The following C2orf78 variants were observed in gnomAD, a reference collection of about 807,000 sequenced individuals.
The protein encoded by C2orf78 is uncharacterized protein C2orf78.
A neutral mutation model predicts 21.4 loss-of-function variants in C2orf78; 12 were observed. That is an observed-to-expected ratio of 0.56 (90% confidence interval 0.36 to 0.91). C2orf78 has a LOEUF of 0.91. Among genes scored for constraint, C2orf78 ranks in the 40% least tolerant of loss-of-function variants. The pLI, the probability that C2orf78 is intolerant of heterozygous loss-of-function variation, is 0.01. For synonymous variants in C2orf78, 396 were observed against 413.9 expected, an observed-to-expected ratio of 0.96 and a Z score of 0.52; for missense variants, 1,042 against 1,092.4, an observed-to-expected ratio of 0.95 and a Z score of 0.65.
At chr2:73,808,026 C>G (rs963889004) in intron 1 of C2orf78, among the ~76,000 whole-genome samples, 1 of 150,992 alleles carries the variant, frequency 6.6e-6, no homozygotes, top group Non-Finnish European at 1.5e-5. Flanking sequence ...GAGGCTGAGG[C>G]GAGCAGATCA....
At chr2:73,786,177 G>A (rs1357362015) in intron 1 of C2orf78, among the ~76,000 whole-genome samples, 6 of 151,884 alleles carry the variant, frequency 4.0e-5, no homozygotes, top group Non-Finnish European at 8.8e-5. Flanking sequence ...GTCAGAAGTT[G>A]GAGACCAGCC....
At chr2:73,817,142 G>T in exon 3 of C2orf78, 11 of 736,276 alleles carry the variant, frequency 1.5e-5, no homozygotes, top group East Asian at 3.8e-5. Context: ...GGCCTTTTGA[G>T]TTTTGAGATG....
rs6758624 is a variant in C2orf78, at chr2:73,786,257, G to C, written c.97+1851G>C. Among the ~76,000 whole-genome samples the C allele has an allele frequency of 3.3e-5, 5 of 151,498 alleles. No homozygotes were observed. The South Asian group carries it at 6.3e-4, about 19-fold the overall frequency. Reference sequence around the variant, plus strand: ...TAGCTGGGTGTGGTGGCGTGCACCTGTAATCCTCCTACTTGGGAGGCTCAG... The same window carrying C: ...TAGCTGGGTGTGGTGGCGTGCACCTCTAATCCTCCTACTTGGGAGGCTCAG... On this transcript the variant is annotated intron_variant, in intron 1 of 2. Transcript: ENST00000409561.
chr2:73,807,036 C>A (rs943438333), intron 1 of C2orf78, among the ~76,000 whole-genome samples: 7 of 144,236 alleles, frequency 4.9e-5, no homozygotes, highest in Non-Finnish European at 6.0e-5. Context: ...AAAAAATTAG[C>A]CGGGCATGGT....
intron 1 of C2orf78, among the ~76,000 whole-genome samples, chr2:73,807,340 T>G (rs1305635990): frequency 2.6e-5 from 1 of 38,348 alleles, no homozygotes; most frequent in Non-Finnish European, 4.8e-5. Context: ...TCATTTTGCC[T>G]GGCCCTTGCA....
At position 73,814,057 on chromosome 2, in the gene C2orf78, G is replaced by T. The variant is rs200433926; in HGVS notation, c.678G>T (p.Leu226=). 3.6e-4 allele frequency: 576 copies of T among 1,613,830 alleles called. 1 individual carries two copies. The highest frequency in any genetic ancestry group is 4.7e-4 in the Non-Finnish European group (557 of 1,179,726). ...CACTGGGGCCTCAACTATCCTGCCT[G>T]CAATCTTATGGCTCTGTGTCATACA... The change falls in exon 2 of 3, where the codon CTG becomes CTT. Residue 226 remains leucine (L), a synonymous_variant. Transcript: ENST00000409561.
chr2:73,807,102 AC>A (rs1364643447), intron 1 of C2orf78, among the ~76,000 whole-genome samples: 2 of 142,482 alleles, frequency 1.4e-5, no homozygotes, highest in Non-Finnish European at 3.0e-5. Flanking sequence ...AATGGTGTGA[AC>A]CTGGGAGGCA....
At chr2:73,810,739 TA>T (rs1189429870) in intron 1 of C2orf78, among the ~76,000 whole-genome samples, 1 of 131,868 alleles carries the variant, frequency 7.6e-6, no homozygotes, top group Non-Finnish European at 1.6e-5. Context: ...ACATAAAATA[TA>T]CATGTATATT....
At chr2:73,810,159 C>T (rs1014761531) in intron 1 of C2orf78, among the ~76,000 whole-genome samples, 2 of 151,992 alleles carry the variant, frequency 1.3e-5, no homozygotes, top group African/African-American at 4.8e-5. Context: ...TATCAGAAGT[C>T]ATATTCAGTT....
At chr2:73,807,786 A>G (rs1672985247) in intron 1 of C2orf78, among the ~76,000 whole-genome samples, 1 of 142,534 alleles carries the variant, frequency 7.0e-6, no homozygotes, top group African/African-American at 2.8e-5. Flanking sequence ...TAAAAATGGG[A>G]GAGCAGAAGA....
intron 1 of C2orf78, 96 bp downstream of exon 1, chr2:73,784,502 A>C: frequency 3.6e-6 from 2 of 557,500 alleles, no homozygotes; most frequent in Non-Finnish European, 6.3e-6. Flanking sequence ...GCTTGGAATA[A>C]CAGGGAAAGT....
At chr2:73,810,731 A>G (rs1247840802) in intron 1 of C2orf78, among the ~76,000 whole-genome samples, 1 of 132,976 alleles carries the variant, frequency 7.5e-6, no homozygotes, top group Non-Finnish European at 1.6e-5. Flanking sequence ...ATATACATAC[A>G]TAAAATATAC....
In C2orf78 at chr2:73,814,301, G is replaced by A. The variant is rs543024859; in HGVS notation, c.847+75G>A. 9.1e-5 allele frequency: 132 copies of A among 1,455,532 alleles called. 2 individuals carry two copies. The East Asian group carries it at 2.4e-3, about 27-fold the overall frequency. The allele number at this position is 1,455,532 out of a possible 1,614,324, so 90.2% of individuals were successfully genotyped here. ...GAGGGTCAAATCTGTAGCGAGTGGT[G>A]AGTCCGTGGATAGGTAGAATTTAAG... is the stretch of plus-strand genomic sequence containing the variant. On this transcript the variant is annotated intron_variant, in intron 2 of 2. Transcript: ENST00000409561.
intron 1 of C2orf78, among the ~76,000 whole-genome samples, chr2:73,797,992 G>A (rs1252619003): frequency 7.5e-5 from 4 of 52,986 alleles, no homozygotes; most frequent in Non-Finnish European, 1.7e-4. Context: ...AGGGAGAGCA[G>A]AAGAGAGATC....
chr2:73,807,162 A>G (rs1672974818), intron 1 of C2orf78, among the ~76,000 whole-genome samples: 1 of 129,152 alleles, frequency 7.7e-6, no homozygotes, highest in Admixed American at 7.4e-5. Context: ...CCTGGGTGAC[A>G]GAGAGAGACT....
exon 3 of C2orf78, chr2:73,816,188 C>A (rs1178220803): frequency 4.3e-6 from 7 of 1,613,868 alleles, no homozygotes; most frequent in Non-Finnish European, 5.9e-6. Flanking sequence ...CCTCCAGGAC[C>A]CTGGGAAGCT....
chr2:73,812,960 T>C (rs936238075), intron 1 of C2orf78, among the ~76,000 whole-genome samples: 1 of 152,190 alleles, frequency 6.6e-6, no homozygotes, highest in Non-Finnish European at 1.5e-5. Context: ...TTAAAAGTTC[T>C]AATTTCCTGG....
chr2:73,786,196 A>G (rs772687569), intron 1 of C2orf78, among the ~76,000 whole-genome samples: 63 of 152,026 alleles, frequency 4.1e-4, no homozygotes, highest in Admixed American at 8.5e-4. Flanking sequence ...CCTAGGCAAC[A>G]TGGTGAAACC....
At chr2:73,814,069 C>G (rs1358903147) in exon 2 of C2orf78, 2 of 1,613,782 alleles carry the variant, frequency 1.2e-6, no homozygotes, top group Admixed American at 1.7e-5. Context: ...AATCTTATGG[C>G]TCTGTGTCAT....
Sources: gnomAD v4.1 joint callset for allele counts (sites outside exome capture counted in the v4.1 genomes callset) on GRCh38, gnomAD v4.1.1 for gene constraint, MANE v1.5 for transcripts, NCBI Gene and HGNC (gene_info 2026-07-23, HGNC 2026-07-21) for gene names.